RGS17: variants seen among roughly 807,000 people sequenced by gnomAD.
The protein encoded by RGS17 is regulator of G protein signaling 17.
Under a neutral mutation model 25.5 loss-of-function variants are expected in RGS17, and 12 were observed. The ratio of observed to expected loss-of-function variants is 0.47; its 90% CI spans 0.30 to 0.76. The LOEUF is 0.76. RGS17 is among the 30% of genes least tolerant of loss of function. The pLI, the probability that RGS17 is intolerant of heterozygous loss-of-function variation, is 0.07. For synonymous variants in RGS17, 71 were observed against 76.9 expected, an observed-to-expected ratio of 0.92 and a Z score of 0.40; for missense variants, 196 against 242.2, an observed-to-expected ratio of 0.81 and a Z score of 1.27.
chr6:153,029,443 ATTG>A (rs755233910), intron 2 of RGS17, among the ~76,000 whole-genome samples: 35 of 152,212 alleles, frequency 2.3e-4, no homozygotes, highest in Middle Eastern at 6.8e-3. Context: ...CAAGTAGTGC[ATTG>A]TTGTTGTTGT....
intron 1 of RGS17, among the ~76,000 whole-genome samples, chr6:153,070,724 T>C (rs1469241784): frequency 6.9e-6 from 1 of 145,524 alleles, no homozygotes; most frequent in East Asian, 2.0e-4. Flanking sequence ...TATATACACA[T>C]ATACATATAC....
At position 153,011,660 on chromosome 6, in the gene RGS17, G is replaced by T. The variant is rs1471820665; in HGVS notation, c.547C>A (p.His183Asn). 6.2e-7 allele frequency: 1 copy of T among 1,611,926 alleles called. No homozygotes were observed. Among genetic ancestry groups the T allele is most frequent in the Non-Finnish European group, 8.5e-7 (1 of 1,178,348 alleles). ...AAAAACCTTGGAAAAGAATCTCTGT[G>T]CATTAAAGTATATATCTGAAGTTGG... ...DAQLQIYTLM[H>N]RDSFPRFLNS... is the part of the protein sequence containing the mutation. Residue 183 changes from histidine (H) to asparagine (N), a missense_variant, in exon 5 of 5, where the codon CAC becomes AAC. Physicochemically the swap from His to Asn is moderately conservative, Grantham distance 68. Transcript: ENST00000206262.
intron 1 of RGS17, among the ~76,000 whole-genome samples, chr6:153,113,252 A>G (rs1464321647): frequency 6.6e-6 from 1 of 152,036 alleles, no homozygotes; most frequent in African/African-American, 2.4e-5. Context: ...AAAGGGAAAG[A>G]AAAAGAAAAA....
intron 1 of RGS17, among the ~76,000 whole-genome samples, chr6:153,058,627 T>G (rs1371885931): frequency 6.6e-6 from 1 of 152,226 alleles, no homozygotes; most frequent in Non-Finnish European, 1.5e-5. Flanking sequence ...AAGCCAAATT[T>G]GTGAAGCCCA....
chr6:153,027,930 G>A (rs907692603), intron 2 of RGS17, among the ~76,000 whole-genome samples: 3 of 152,194 alleles, frequency 2.0e-5, no homozygotes, highest in African/African-American at 4.8e-5. Context: ...AGTCTGATAA[G>A]AGAAACCAAG....
At chr6:153,089,365 T>C (rs1405388761) in intron 1 of RGS17, among the ~76,000 whole-genome samples, 1 of 152,094 alleles carries the variant, frequency 6.6e-6, no homozygotes, top group African/African-American at 2.4e-5. Flanking sequence ...TAAGAGTTCA[T>C]CTAGAAATAG....
At chr6:153,105,531 G>A (rs1244595473) in intron 1 of RGS17, among the ~76,000 whole-genome samples, 1 of 152,154 alleles carries the variant, frequency 6.6e-6, no homozygotes, top group African/African-American at 2.4e-5. Context: ...TATACCAAGT[G>A]TTCGCTGCTG....
intron 1 of RGS17, among the ~76,000 whole-genome samples, chr6:153,101,330 C>A (rs1020387646): frequency 6.6e-6 from 1 of 152,292 alleles, no homozygotes; most frequent in African/African-American, 2.4e-5. Flanking sequence ...GAAGCACTGA[C>A]TTTTCCCATA....
intron 1 of RGS17, among the ~76,000 whole-genome samples, chr6:153,090,447 C>T (rs796478547): frequency 1.3e-4 from 18 of 134,782 alleles, no homozygotes; most frequent in African/African-American, 5.3e-4. Context: ...CTCATCTCTA[C>T]TGAAAAAAAA....
At position 153,052,923 on chromosome 6, in the gene RGS17, C is replaced by A. The variant is rs138496688; in HGVS notation, c.-25-8880G>T. 1.5e-3 allele frequency among the ~76,000 whole-genome samples: 225 copies of A among 152,298 alleles called. 1 individual carries two copies. Among genetic ancestry groups the A allele is most frequent in the African/African-American group, 5.1e-3 (214 of 41,554 alleles). ...TTAAAAAAGGGACCCCCAGATTACT[C>A]TCCTGCTCTCTTTCCATCCTGTGGG... On this transcript the variant is annotated intron_variant, in intron 1 of 4. Transcript: ENST00000206262.
chr6:153,056,860 G>GTGTGTC, intron 1 of RGS17, among the ~76,000 whole-genome samples: 1 of 151,544 alleles, frequency 6.6e-6, no homozygotes, highest in African/African-American at 2.4e-5. Flanking sequence ...GTGTGTGTGT[G>GTGTGTC]TGTGTGTGTG....
At chr6:153,024,239 C>T (rs1242064910) in intron 4 of RGS17, 23 bp downstream of exon 4, 2 of 1,532,716 alleles carry the variant, frequency 1.3e-6, no homozygotes, top group Non-Finnish European at 9.0e-7. Context: ...GGAAGCCCAC[C>T]TCAATGTTTT....
intron 1 of RGS17, among the ~76,000 whole-genome samples, chr6:153,056,534 G>A (rs1776562228): frequency 6.6e-6 from 1 of 152,160 alleles, no homozygotes; most frequent in Non-Finnish European, 1.5e-5. Flanking sequence ...GCATTCTTGA[G>A]TATTTAAGTT....
rs1184368197 is a variant in RGS17, at chr6:153,005,997, T to C, written c.*5577A>G. The C allele has an allele frequency of 6.6e-6, 1 of 152,164 alleles. No individual in the cohort carries two copies. The highest frequency in any genetic ancestry group is 1.5e-5 in the Non-Finnish European group (1 of 68,030). 9.4% of individuals were successfully genotyped at this position (152,164 alleles called of 1,614,324 possible). A position where few individuals can be genotyped will look rare whatever the true frequency, so the allele number is the denominator to read the frequency against. Reference sequence around the variant, plus strand: ...TAAAATAAAAGGTTTAATGGACACATTACTATTTTAAATTTTATACATTTT... The same window carrying C: ...TAAAATAAAAGGTTTAATGGACACACTACTATTTTAAATTTTATACATTTT... On this transcript the variant is annotated 3_prime_UTR_variant, in exon 5 of 5. Transcript: ENST00000206262.
chr6:153,076,210 C>T (rs1776876045), intron 1 of RGS17, among the ~76,000 whole-genome samples: 1 of 152,062 alleles, frequency 6.6e-6, no homozygotes, highest in African/African-American at 2.4e-5. Context: ...TTAATTTCAC[C>T]TGGTAGGATT....
intron 1 of RGS17, among the ~76,000 whole-genome samples, chr6:153,076,237 T>G (rs1776876460): frequency 6.6e-6 from 1 of 152,182 alleles, no homozygotes; most frequent in East Asian, 1.9e-4. Context: ...GTAGTGACAC[T>G]GTTATTGTCA....
At chr6:153,092,133 TTGAA>T (rs1397029908) in intron 1 of RGS17, among the ~76,000 whole-genome samples, 1 of 152,230 alleles carries the variant, frequency 6.6e-6, no homozygotes, top group Non-Finnish European at 1.5e-5. Flanking sequence ...GACTTACTCT[TTGAA>T]TTTTTGTCTT....
chr6:153,057,077 A>G (rs945005818), intron 1 of RGS17, among the ~76,000 whole-genome samples: 1 of 152,060 alleles, frequency 6.6e-6, no homozygotes, highest in Non-Finnish European at 1.5e-5. Context: ...ATCCTTTCCC[A>G]AAGTATCCCT....
intron 4 of RGS17, among the ~76,000 whole-genome samples, chr6:153,013,036 A>G (rs1299234618): frequency 6.6e-6 from 1 of 152,098 alleles, no homozygotes; most frequent in Non-Finnish European, 1.5e-5. Context: ...CAACTCATAC[A>G]GGGACACCTC....
Sources: gnomAD v4.1 joint callset for allele counts (sites outside exome capture counted in the v4.1 genomes callset) on GRCh38, gnomAD v4.1.1 for gene constraint, MANE v1.5 for transcripts, NCBI Gene and HGNC (gene_info 2026-07-23, HGNC 2026-07-21) for gene names.